SYNE2: variants seen among roughly 807,000 people sequenced by gnomAD.
SYNE2 encodes the protein spectrin repeat containing nuclear envelope protein 2, also known as nesprin-2.
Under a neutral mutation model 856.3 loss-of-function variants are expected in SYNE2, and 431 were observed. The observed-to-expected ratio is 0.50, with a 90% CI of 0.47 to 0.55. The LOEUF (loss-of-function observed/expected upper bound fraction) is 0.55. Ranked by LOEUF, SYNE2 falls within the 20% of genes least tolerant of loss-of-function variation. The probability of loss-of-function intolerance (pLI) is 0.00; values close to 1 mark genes in which losing one functional copy is unlikely to be tolerated. For synonymous variants in SYNE2, 2,923 were observed against 2,872.3 expected (o/e 1.02, Z -0.56); for missense variants, 8,129 against 8,023.2 (o/e 1.01, Z -0.50).
intron 57 of SYNE2, among the ~76,000 whole-genome samples, chr14:64,083,529 C>T (rs1429499298): frequency 6.6e-6 from 1 of 152,124 alleles, no homozygotes; most frequent in South Asian, 2.1e-4. Flanking sequence ...AATTGCTAGA[C>T]TTTCTTTCTG....
Position 64,053,220 on chromosome 14 carries a change from A to G in SYNE2, c.9307A>G (p.Lys3103Glu). 6.2e-7 allele frequency: 1 copy of G among 1,612,974 alleles called. No homozygotes were observed. The highest frequency in any genetic ancestry group is 8.5e-7 in the Non-Finnish European group (1 of 1,179,670). The change falls in exon 48 of 116, where the codon AAG (lysine) becomes GAG (glutamate). Residue 3103 changes from lysine (K) to glutamate (E), a missense_variant. By Grantham distance (56) the Lys-to-Glu change is moderately conservative. This residue lies in a region of SYNE2 where 5,410 missense variants were observed against 5,284.8 expected (regional missense o/e 1.02). Coordinates refer to ENST00000555002, the MANE Select transcript of SYNE2 (RefSeq NM_182914.3). ...CAAGTGTTTATGTGATGAGATAATA[A>G]AGAAATTAAATGAAAATAAGACCTT... Reference protein sequence around the residue: ...KAKCLCDEIIKKLNENKTFDD... With the variant: ...KAKCLCDEIIEKLNENKTFDD...
In SYNE2 at chr14:64,219,410, G is replaced by C. The variant is rs769271624; in HGVS notation, c.19860G>C (p.Gln6620His). Reference protein sequence around the residue: ...QEIELRVKRLQEILKAFDTYK... With the variant: ...QEIELRVKRLHEILKAFDTYK... ...TAGAACTGAGAGTGAAGAGACTGCA[G>C]GTGAGTTAGAGGTGTGGTGGGGAAG... Residue 6620 changes from glutamine to histidine, a missense_variant and splice_region_variant, in exon 110 of 116, where the codon CAG becomes CAC. Around this residue, in one of 3 missense-constraint regions of SYNE2, gnomAD observed 5,410 missense variants for 5,284.8 expected, o/e 1.02. Transcript: ENST00000555002. 1.2e-6 allele frequency: 2 copies of C among 1,613,968 alleles called. No homozygotes were observed. The highest frequency in any genetic ancestry group is 4.5e-5 in the East Asian group (2 of 44,878).
intron 54 of SYNE2, 140 bp downstream of exon 54, chr14:64,076,240 T>C (rs1005454898): frequency 4.1e-5 from 35 of 858,152 alleles, no homozygotes; most frequent in Non-Finnish European, 5.7e-5. Context: ...ATCGTGTCTA[T>C]TGAATGCTAA....
chr14:63,941,237 G>A (rs776487432), intron 3 of SYNE2, among the ~76,000 whole-genome samples: 5 of 152,200 alleles, frequency 3.3e-5, no homozygotes, highest in African/African-American at 7.2e-5. Flanking sequence ...CACTGATGCT[G>A]AGTGTCTAGA....
At chr14:63,777,541 G>A (rs1887155511) in intron 1 of SYNE2, among the ~76,000 whole-genome samples, 1 of 152,100 alleles carries the variant, frequency 6.6e-6, no homozygotes, top group African/African-American at 2.4e-5. Flanking sequence ...ACAAATTGGT[G>A]TATGAAACCA....
intron 1 of SYNE2, among the ~76,000 whole-genome samples, chr14:63,795,135 T>C (rs756967293): frequency 2.0e-5 from 3 of 152,106 alleles, no homozygotes; most frequent in Non-Finnish European, 2.9e-5. Context: ...GTCAACTTGA[T>C]TGGATTGAAG....
chr14:63,887,360 A>G (rs192948113), intron 1 of SYNE2, among the ~76,000 whole-genome samples: 270 of 152,388 alleles, frequency 1.8e-3, no homozygotes, highest in Non-Finnish European at 3.3e-3. Flanking sequence ...ATGTTTTTCA[A>G]TACTAAAGAG....
intron 1 of SYNE2, among the ~76,000 whole-genome samples, chr14:63,842,553 C>T (rs868174616): frequency 4.6e-5 from 7 of 151,864 alleles, no homozygotes; most frequent in Middle Eastern, 3.2e-3. Context: ...CACTGCCTCC[C>T]GGGTTCAAGT....
chr14:64,159,115 A>G (rs2098309086), intron 86 of SYNE2, among the ~76,000 whole-genome samples, 197 bp from the exon 87 acceptor site: 1 of 150,728 alleles, frequency 6.6e-6, no homozygotes. Flanking sequence ...TAAGTACTTT[A>G]TATTACTTAG....
intron 1 of SYNE2, among the ~76,000 whole-genome samples, chr14:63,819,958 G>C (rs2139860504): frequency 6.6e-6 from 1 of 152,120 alleles, no homozygotes; most frequent in South Asian, 2.1e-4. Context: ...TCTGGTAAAA[G>C]ATTTGCAAGA....
At chr14:63,790,456 C>T (rs1400127569) in intron 1 of SYNE2, among the ~76,000 whole-genome samples, 1 of 152,194 alleles carries the variant, frequency 6.6e-6, no homozygotes, top group Non-Finnish European at 1.5e-5. Flanking sequence ...AAGTTTACCC[C>T]TCCGCCATGT....
At chr14:64,062,437 G>T (rs2097324630) in intron 49 of SYNE2, among the ~76,000 whole-genome samples, 6 of 152,044 alleles carry the variant, frequency 3.9e-5, no homozygotes, top group Non-Finnish European at 8.8e-5. Context: ...CACAAGAATT[G>T]TACCAATTTA....
intron 2 of SYNE2, among the ~76,000 whole-genome samples, chr14:63,929,762 A>T (rs1210911052): frequency 6.8e-6 from 1 of 148,116 alleles, no homozygotes; most frequent in Non-Finnish European, 1.5e-5. Flanking sequence ...CAAGAGTGAA[A>T]CTGTCTCAAA....
intron 51 of SYNE2, among the ~76,000 whole-genome samples, chr14:64,069,469 C>A (rs1250800497): frequency 6.6e-6 from 1 of 152,114 alleles, no homozygotes; most frequent in Non-Finnish European, 1.5e-5. Flanking sequence ...TATTGGGTAC[C>A]CAACTGGGTC....
At chr14:64,192,838 T>G (rs1282882936) in intron 99 of SYNE2, among the ~76,000 whole-genome samples, 2 of 152,232 alleles carry the variant, frequency 1.3e-5, no homozygotes, top group African/African-American at 4.8e-5. Flanking sequence ...CAGTACGTGC[T>G]GAGTGCTAAT....
intron 57 of SYNE2, among the ~76,000 whole-genome samples, chr14:64,086,590 A>G (rs1266917880): frequency 6.6e-6 from 1 of 152,146 alleles, no homozygotes; most frequent in Non-Finnish European, 1.5e-5. Context: ...TTTGGAAGAG[A>G]ATTAACATCT....
intron 1 of SYNE2, among the ~76,000 whole-genome samples, chr14:63,786,279 G>T (rs1477549455): frequency 1.3e-5 from 2 of 151,758 alleles, no homozygotes; most frequent in Non-Finnish European, 2.9e-5. Flanking sequence ...ATGGTGGCAT[G>T]AGCCTGTGGT....
At chr14:64,168,058 T>G (rs571544106) in intron 92 of SYNE2, among the ~76,000 whole-genome samples, 1 of 152,350 alleles carries the variant, frequency 6.6e-6, no homozygotes, top group African/African-American at 2.4e-5. Context: ...TCAGTGCTTA[T>G]GCTGACATGT....
upstream of SYNE2, among the ~76,000 whole-genome samples, chr14:63,852,440 C>T (rs1890614270): frequency 2.0e-5 from 3 of 152,154 alleles, no homozygotes; most frequent in Admixed American, 2.0e-4. Context: ...CACTTCCCCT[C>T]ATCCAAGGGG....
Sources: allele counts gnomAD v4.1 joint callset (sites outside exome capture counted in the v4.1 genomes callset), GRCh38; gene constraint gnomAD v4.1.1; regional missense constraint gnomAD v4.1.1; transcripts MANE v1.5; gene names NCBI Gene and HGNC (gene_info 2026-07-23, HGNC 2026-07-21).